Variants in RAI14 observed in about 807,000 individuals in gnomAD.
The protein encoded by RAI14 is retinoic acid induced 14, also known as ankycorbin.
Under a neutral mutation model 115.4 loss-of-function variants are expected in RAI14, and 45 were observed. The ratio of observed to expected loss-of-function variants is 0.39; its 90% CI spans 0.31 to 0.50. The LOEUF is 0.50. RAI14 is among the 20% of genes least tolerant of loss of function. The probability of loss-of-function intolerance (pLI) is 0.85; values close to 1 mark genes in which losing one functional copy is unlikely to be tolerated. For missense variants in RAI14, 939 were observed against 1,131.2 expected (o/e 0.83, Z 2.44); for synonymous variants, 371 against 415.4 (o/e 0.89, Z 1.30).
rs559045359 is a variant in RAI14 at position 34,726,188 on chromosome 5, C to G, written c.37-31280C>G. On this transcript the variant is annotated intron_variant, in intron 2 of 17. Transcript: ENST00000265109. ...GCCAGCCAGGAGTTTGAGACCAGCC[C>G]AGGCAACATAGCAAGACCCTTGTGT... Among the ~76,000 whole-genome samples the G allele has an allele frequency of 1.4e-4, 22 of 152,010 alleles. 1 individual carries two copies. Among genetic ancestry groups the G allele is most frequent in the Non-Finnish European group, 3.2e-4 (22 of 67,986 alleles).
intron 2 of RAI14, among the ~76,000 whole-genome samples, chr5:34,737,014 T>C (rs956412788): frequency 1.3e-5 from 2 of 152,168 alleles, no homozygotes; most frequent in Non-Finnish European, 2.9e-5. Context: ...TAAACTCTCA[T>C]AGAAGAGCAA....
intron 3 of RAI14, among the ~76,000 whole-genome samples, chr5:34,760,269 G>A (rs1199309317): frequency 4.6e-5 from 7 of 152,062 alleles, no homozygotes; most frequent in East Asian, 1.9e-4. Flanking sequence ...GGATGGTCTC[G>A]ATCTCCTGAC....
chr5:34,817,607 G>A (rs1756409863), intron 12 of RAI14, among the ~76,000 whole-genome samples: 1 of 152,114 alleles, frequency 6.6e-6, no homozygotes, highest in Non-Finnish European at 1.5e-5. Context: ...CCATGAACAA[G>A]TGAATAAAGA....
intron 3 of RAI14, among the ~76,000 whole-genome samples, chr5:34,758,990 A>G (rs1748255031): frequency 6.6e-6 from 1 of 152,140 alleles, no homozygotes; most frequent in South Asian, 2.1e-4. Context: ...GACTGGGTAC[A>G]GTGGCTCCCG....
At chr5:34,668,571 A>G (rs1743390497) in intron 1 of RAI14, among the ~76,000 whole-genome samples, 1 of 152,114 alleles carries the variant, frequency 6.6e-6, no homozygotes, top group Non-Finnish European at 1.5e-5. Flanking sequence ...ATGCTCTCAC[A>G]ACCTTCTTGG....
At chr5:34,663,342 C>G (rs1055080016) in intron 1 of RAI14, among the ~76,000 whole-genome samples, 6 of 152,016 alleles carry the variant, frequency 3.9e-5, no homozygotes, top group Non-Finnish European at 8.8e-5. Context: ...CATGGCGAAA[C>G]TTTGTCTCTA....
intron 1 of RAI14, among the ~76,000 whole-genome samples, chr5:34,662,595 C>A (rs2149840522): frequency 6.6e-6 from 1 of 151,900 alleles, no homozygotes; most frequent in South Asian, 2.1e-4. Context: ...TTATTGTATC[C>A]TCTGTAATAA....
chr5:34,700,630 G>C (rs1739951245), intron 2 of RAI14, among the ~76,000 whole-genome samples: 1 of 152,248 alleles, frequency 6.6e-6, no homozygotes. Flanking sequence ...GTAATGGACA[G>C]AAATAAAAGG....
At chr5:34,759,888 G>A (rs1386294957) in intron 3 of RAI14, among the ~76,000 whole-genome samples, 3 of 152,252 alleles carry the variant, frequency 2.0e-5, no homozygotes, top group Middle Eastern at 3.4e-3. Context: ...TATATAAAGA[G>A]TGGCACAGCA....
chr5:34,754,947 T>C (rs1267686453), intron 2 of RAI14, among the ~76,000 whole-genome samples: 1 of 152,206 alleles, frequency 6.6e-6, no homozygotes, highest in Non-Finnish European at 1.5e-5. Context: ...CTTTCAGTCC[T>C]GTCCTCTGAG....
chr5:34,806,948 T>C (rs559167279), intron 5 of RAI14, among the ~76,000 whole-genome samples: 9 of 152,332 alleles, frequency 5.9e-5, no homozygotes, highest in African/African-American at 2.2e-4. Flanking sequence ...AACTTTTTTG[T>C]GCCTCCGTTT....
intron 1 of RAI14, among the ~76,000 whole-genome samples, chr5:34,683,438 A>G (rs951610020): frequency 6.6e-6 from 1 of 152,088 alleles, no homozygotes; most frequent in Non-Finnish European, 1.5e-5. Context: ...ATGCTTAAAA[A>G]AAAAAAAGAA....
At chr5:34,774,448 G>T (rs533905148) in intron 3 of RAI14, among the ~76,000 whole-genome samples, 38 of 151,982 alleles carry the variant, frequency 2.5e-4, no homozygotes, top group African/African-American at 8.7e-4. Context: ...TAAAAAATCA[G>T]TAGCATTTCT....
intron 2 of RAI14, among the ~76,000 whole-genome samples, chr5:34,727,445 C>T (rs769111405): frequency 1.2e-4 from 18 of 152,144 alleles, no homozygotes; most frequent in Non-Finnish European, 1.9e-4. Flanking sequence ...AACAAGAAGC[C>T]GAATGTTAAT....
chr5:34,754,568 C>CAGG (rs1335073074), intron 2 of RAI14, among the ~76,000 whole-genome samples: 2 of 133,136 alleles, frequency 1.5e-5, no homozygotes, highest in Admixed American at 7.4e-5. Flanking sequence ...GCTCTGCTTA[C>CAGG]TGTGAACCCC....
rs368622381 is a variant in RAI14, at chr5:34,746,091, T to TCC, written c.37-11369_37-11368dup. On this transcript the variant is annotated intron_variant, in intron 2 of 17. Coordinates refer to ENST00000265109, the MANE Select transcript of RAI14 (RefSeq NM_015577.3). ...CCTCCTCCCCTTATACACCACCCCC[T>TCC]CCCCCCCCCGCCTTTTTTTTTTTTG... Among the ~76,000 whole-genome samples the TCC allele has an allele frequency of 8.3e-3, 409 of 49,196 alleles. 7 individuals are homozygous for TCC. Among genetic ancestry groups the TCC allele is most frequent in the Non-Finnish European group, 0.011 (293 of 26,712 alleles). The allele number at this position is 49,196 out of a possible 152,430, so 32.3% of individuals were successfully genotyped here.
chr5:34,686,018 A>G (rs1744828032), intron 1 of RAI14, among the ~76,000 whole-genome samples: 4 of 152,102 alleles, frequency 2.6e-5, no homozygotes, highest in Non-Finnish European at 2.9e-5. Context: ...GGCATTTTTC[A>G]CTAACTGCCC....
At chr5:34,736,560 G>C (rs1744905908) in intron 2 of RAI14, among the ~76,000 whole-genome samples, 1 of 152,030 alleles carries the variant, frequency 6.6e-6, no homozygotes, top group South Asian at 2.1e-4. Flanking sequence ...GTCAATTGTG[G>C]GTTAGCTTTT....
chr5:34,817,136 G>T (rs1457926168), intron 12 of RAI14, among the ~76,000 whole-genome samples: 1 of 151,804 alleles, frequency 6.6e-6, no homozygotes, highest in South Asian at 2.1e-4. Context: ...AATTAGTCAG[G>T]TGTGGTGGCG....
Sources: gnomAD v4.1 joint callset for allele counts (sites outside exome capture counted in the v4.1 genomes callset) on GRCh38, gnomAD v4.1.1 for gene constraint, MANE v1.5 for transcripts, NCBI Gene and HGNC (gene_info 2026-07-23, HGNC 2026-07-21) for gene names.